CSRNP3: variants seen among roughly 807,000 people sequenced by gnomAD.
The protein encoded by CSRNP3 is cysteine/serine-rich nuclear protein 3.
Under a neutral mutation model 48.0 loss-of-function variants are expected in CSRNP3, and 12 were observed. The observed-to-expected ratio is 0.25, with a 90% CI of 0.16 to 0.41. CSRNP3 has a LOEUF of 0.41. Among genes scored for constraint, CSRNP3 ranks in the 10% least tolerant of loss-of-function variants. The pLI is 1.00. For synonymous variants in CSRNP3, 263 were observed against 269.7 expected (o/e 0.98, Z 0.24); for missense variants, 580 against 724.4 (o/e 0.80, Z 2.29).
intron 5 of CSRNP3, among the ~76,000 whole-genome samples, chr2:165,668,434 C>T (rs1488047185): frequency 8.0e-6 from 1 of 124,840 alleles, no homozygotes; most frequent in Non-Finnish European, 1.6e-5. Flanking sequence ...GACAGAGTCT[C>T]GCTGTCACCC....
intron 4 of CSRNP3, among the ~76,000 whole-genome samples, chr2:165,603,865 C>T (rs780352499): frequency 2.6e-5 from 4 of 152,168 alleles, no homozygotes; most frequent in Admixed American, 6.5e-5. Context: ...TCACTTTTCC[C>T]TCACCTCCTA....
At chr2:165,588,239 T>C (rs1685662168) in intron 3 of CSRNP3, among the ~76,000 whole-genome samples, 1 of 152,152 alleles carries the variant, frequency 6.6e-6, no homozygotes, top group Admixed American at 6.5e-5. Flanking sequence ...AGCTGAAATA[T>C]CAATGACAAG....
intron 1 of CSRNP3, among the ~76,000 whole-genome samples, chr2:165,489,794 A>G (rs1454060814): frequency 8.7e-6 from 1 of 114,904 alleles, no homozygotes; most frequent in Admixed American, 9.6e-5. Flanking sequence ...GATGGGACGT[A>G]TTTCAAAATA....
At chr2:165,508,380 C>A (rs746859099) in intron 2 of CSRNP3, among the ~76,000 whole-genome samples, 1 of 152,090 alleles carries the variant, frequency 6.6e-6, no homozygotes, top group Non-Finnish European at 1.5e-5. Context: ...CTGAATAAGT[C>A]TCTTTTATGC....
At chr2:165,641,814 A>G (rs1301593149) in intron 4 of CSRNP3, among the ~76,000 whole-genome samples, 3 of 152,172 alleles carry the variant, frequency 2.0e-5, no homozygotes, top group African/African-American at 7.2e-5. Context: ...AGTGCTCTTT[A>G]AAGGTAAAAG....
intron 5 of CSRNP3, among the ~76,000 whole-genome samples, chr2:165,659,167 G>A (rs79684620): frequency 0.016 from 2,397 of 152,300 alleles, 60 homozygotes; most frequent in African/African-American, 0.054. Context: ...AGGGTAAGTG[G>A]TGTTGAGACG....
intron 4 of CSRNP3, among the ~76,000 whole-genome samples, chr2:165,608,041 G>C (rs1459854119): frequency 6.7e-6 from 1 of 150,064 alleles, no homozygotes; most frequent in Non-Finnish European, 1.5e-5. Context: ...TGTTTTCAAA[G>C]TTTATGCTTG....
intron 3 of CSRNP3, among the ~76,000 whole-genome samples, chr2:165,549,579 T>G (rs975444227): frequency 2.0e-5 from 3 of 152,242 alleles, no homozygotes; most frequent in Non-Finnish European, 2.9e-5. Flanking sequence ...CTCGATGAAC[T>G]GTTTCATTTT....
chr2:165,516,580 T>C (rs1684585254), intron 2 of CSRNP3, among the ~76,000 whole-genome samples: 1 of 152,156 alleles, frequency 6.6e-6, no homozygotes, highest in Non-Finnish European at 1.5e-5. Flanking sequence ...AAACATACAA[T>C]GTTATCTGTC....
At chr2:165,625,473 A>C (rs1479504841) in intron 4 of CSRNP3, among the ~76,000 whole-genome samples, 1 of 151,666 alleles carries the variant, frequency 6.6e-6, no homozygotes, top group Non-Finnish European at 1.5e-5. Flanking sequence ...TAAAAAAAAA[A>C]AAAAGGAAAA....
At chr2:165,583,946 GA>G (rs1354684611) in intron 3 of CSRNP3, among the ~76,000 whole-genome samples, 1 of 152,106 alleles carries the variant, frequency 6.6e-6, no homozygotes, top group Admixed American at 6.5e-5. Flanking sequence ...AGTGGTGAAA[GA>G]ATAGCTACTC....
chr2:165,496,689 C>T lies in CSRNP3; in HGVS notation c.-113+1761C>T, dbSNP rs112245649. On this transcript the variant is annotated intron_variant, in intron 2 of 6. Transcript: ENST00000651982. Reference sequence around the variant, plus strand: ...TTCTCAATCTTTTTTTTCCTTTAGCCGCTCCTAAAAATCATCATCAGTTTA... The same window carrying T: ...TTCTCAATCTTTTTTTTCCTTTAGCTGCTCCTAAAAATCATCATCAGTTTA... Among the ~76,000 whole-genome samples, 5 of 151,942 alleles carry T rather than the reference C, an allele frequency of 3.3e-5. 1 individual carries two copies. The highest frequency in any genetic ancestry group is 6.6e-5 in the Admixed American group (1 of 15,234).
chr2:165,540,967 G>A (rs1684948756), intron 3 of CSRNP3, among the ~76,000 whole-genome samples: 1 of 151,962 alleles, frequency 6.6e-6, no homozygotes, highest in Admixed American at 6.6e-5. Context: ...TTTTTACATG[G>A]CGGGGTTTTC....
intron 3 of CSRNP3, among the ~76,000 whole-genome samples, chr2:165,580,482 A>AT (rs1295523249): frequency 1.3e-5 from 2 of 152,052 alleles, no homozygotes; most frequent in African/African-American, 4.8e-5. Flanking sequence ...TGTCCAAAGT[A>AT]TTTTTTTCTA....
At chr2:165,515,801 C>CTTTTTTTTTT (rs532831528) in intron 2 of CSRNP3, among the ~76,000 whole-genome samples, 3 of 106,094 alleles carry the variant, frequency 2.8e-5, no homozygotes, top group Non-Finnish European at 5.5e-5. Context: ...CTTTTCCTTT[C>CTTTTTTTTTT]TTTTTTTTTT....
intron 4 of CSRNP3, among the ~76,000 whole-genome samples, chr2:165,609,853 T>C (rs10930173): frequency 0.53 from 80,788 of 151,972 alleles, 21,959 homozygotes; most frequent in Admixed American, 0.61. Context: ...TCTTTAGATG[T>C]AGGCAGATCA....
chr2:165,671,084 A>G (rs140234456), intron 5 of CSRNP3, among the ~76,000 whole-genome samples: 1 of 152,198 alleles, frequency 6.6e-6, no homozygotes, highest in Admixed American at 6.5e-5. Flanking sequence ...TAGAAAACTC[A>G]TAATCTATCT....
At chr2:165,534,069 A>G (rs1684851024) in intron 3 of CSRNP3, among the ~76,000 whole-genome samples, 1 of 152,054 alleles carries the variant, frequency 6.6e-6, no homozygotes, top group Admixed American at 6.6e-5. Flanking sequence ...TAAAAATAAG[A>G]TGTATCCAGT....
chr2:165,658,022 T>TA lies in CSRNP3; in HGVS notation c.408+8dup. 1 of 1,603,936 alleles carries TA rather than the reference T, an allele frequency of 6.2e-7. No homozygotes were observed. Among genetic ancestry groups the TA allele is most frequent in the Admixed American group, 1.7e-5 (1 of 59,412 alleles). ...AAGCTGAACTCCTTAAAACTAAAGG[T>TA]AAAAAACAAACTCATTTTCTGCAAA... On this transcript the variant is annotated splice_region_variant and intron_variant, in intron 5 of 6. Transcript: ENST00000651982.
Sources: gnomAD v4.1 joint callset for allele counts (sites outside exome capture counted in the v4.1 genomes callset) on GRCh38, gnomAD v4.1.1 for gene constraint, MANE v1.5 for transcripts, NCBI Gene and HGNC (gene_info 2026-07-23, HGNC 2026-07-21) for gene names.